The following PCDH15 variants were observed in gnomAD, a reference collection of about 807,000 sequenced individuals.
PCDH15 encodes protocadherin related 15, also known as protocadherin-15.
A neutral mutation model predicts 178.5 loss-of-function variants in PCDH15; 129 were observed. The observed-to-expected ratio is 0.72, with a 90% CI of 0.63 to 0.84. The LOEUF (loss-of-function observed/expected upper bound fraction) is 0.84. Ranked by LOEUF, PCDH15 falls within the 40% of genes least tolerant of loss-of-function variation. The pLI, the probability that PCDH15 is intolerant of heterozygous loss-of-function variation, is 0.00. For synonymous variants in PCDH15, 800 were observed against 732.0 expected, an observed-to-expected ratio of 1.09 and a Z score of -1.50; for missense variants, 2,230 against 2,099.9, an observed-to-expected ratio of 1.06 and a Z score of -1.21.
intron 3 of PCDH15, among the ~76,000 whole-genome samples, chr10:54,463,560 T>C (rs1193187824): frequency 6.6e-6 from 1 of 152,130 alleles, no homozygotes; most frequent in Admixed American, 6.6e-5. Flanking sequence ...CGTTTCACCA[T>C]CTTCCAGTGG....
chr10:54,779,059 T>A (rs1949998283), intron 1 of PCDH15, among the ~76,000 whole-genome samples: 2 of 152,034 alleles, frequency 1.3e-5, no homozygotes, highest in Non-Finnish European at 1.5e-5. Flanking sequence ...AGGAGAGAGA[T>A]TAGAGATAGA....
intron 2 of PCDH15, among the ~76,000 whole-genome samples, chr10:55,382,786 A>C (rs770584320): frequency 9.2e-5 from 14 of 152,158 alleles, no homozygotes; most frequent in Non-Finnish European, 1.8e-4. Context: ...CCTTCACGGG[A>C]CTTGAGACAG....
intron 1 of PCDH15, among the ~76,000 whole-genome samples, chr10:54,670,548 T>G (rs1358056966): frequency 6.6e-6 from 1 of 152,162 alleles, no homozygotes; most frequent in Admixed American, 6.5e-5. Flanking sequence ...AATCTGCTTA[T>G]GTTTAAAGAT....
chr10:54,677,075 T>G lies in PCDH15; in HGVS notation c.-28-12785A>C, dbSNP rs758631221. Among the ~76,000 whole-genome samples the G allele has an allele frequency of 3.2e-4, 49 of 152,274 alleles. 1 individual carries two copies. Among genetic ancestry groups the G allele is most frequent in the Non-Finnish European group, 3.1e-4 (21 of 68,012 alleles). ...CACACCAATCAACTCATCATGCATT[T>G]CAAAAGTATATTCCGGCACAACATG... On this transcript the variant is annotated intron_variant, in intron 1 of 37. Transcript: ENST00000644397.
intron 28 of PCDH15, among the ~76,000 whole-genome samples, chr10:53,842,706 TCTTC>T (rs1171628425): frequency 6.6e-6 from 1 of 152,212 alleles, no homozygotes; most frequent in African/African-American, 2.4e-5. Flanking sequence ...TTAATAAGCT[TCTTC>T]CTTGTCTCAA....
intron 8 of PCDH15, among the ~76,000 whole-genome samples, chr10:54,248,001 ATAGT>A (rs1187872507): frequency 8.0e-5 from 12 of 150,156 alleles, no homozygotes; most frequent in African/African-American, 2.7e-4. Context: ...GGAAATTATT[ATAGT>A]TAGTTTTTTA....
chr10:54,666,753 T>C (rs2094578590), intron 1 of PCDH15, among the ~76,000 whole-genome samples: 1 of 151,996 alleles, frequency 6.6e-6, no homozygotes. Context: ...GAGACGGTAA[T>C]ATCTTAGCAA....
chr10:55,542,627 G>A (rs1287223447), intron 2 of PCDH15, among the ~76,000 whole-genome samples: 2 of 140,254 alleles, frequency 1.4e-5, no homozygotes, highest in African/African-American at 5.2e-5. Context: ...GTCTATATAG[G>A]TACATACAGA....
At chr10:54,649,466 T>C (rs1006482455) in intron 2 of PCDH15, among the ~76,000 whole-genome samples, 1 of 152,154 alleles carries the variant, frequency 6.6e-6, no homozygotes, top group African/African-American at 2.4e-5. Context: ...TACAACCACA[T>C]AAAATATTGA....
intron 15 of PCDH15, among the ~76,000 whole-genome samples, chr10:54,122,672 A>G (rs979042626): frequency 6.6e-6 from 1 of 152,144 alleles, no homozygotes; most frequent in African/African-American, 2.4e-5. Flanking sequence ...TCAATAAGTT[A>G]TTAGAACTGA....
chr10:55,506,263 A>C (rs2132145733), intron 2 of PCDH15: 1 of 151,616 alleles, frequency 6.6e-6, no homozygotes, highest in South Asian at 2.1e-4. Flanking sequence ...GAGAAGACAT[A>C]GTTTAGAAGG....
At chr10:54,063,971 A>G (rs1340360177) in intron 18 of PCDH15, among the ~76,000 whole-genome samples, 1 of 152,130 alleles carries the variant, frequency 6.6e-6, no homozygotes, top group Non-Finnish European at 1.5e-5. Context: ...CAGCTAAACA[A>G]GGTTTTAGCC....
chr10:55,032,140 C>A (rs1840627085), intron 2 of PCDH15, among the ~76,000 whole-genome samples: 1 of 152,076 alleles, frequency 6.6e-6, no homozygotes, highest in Admixed American at 6.5e-5. Context: ...CCTAAGTGGT[C>A]ATGACTAGAA....
At chr10:55,121,387 T>C (rs1269138885) in intron 2 of PCDH15, among the ~76,000 whole-genome samples, 1 of 151,218 alleles carries the variant, frequency 6.6e-6, no homozygotes, top group Non-Finnish European at 1.5e-5. Flanking sequence ...TTAGGATGAC[T>C]TTTGCCTTGA....
chr10:54,665,576 G>A (rs1236705163), intron 1 of PCDH15, among the ~76,000 whole-genome samples: 1 of 151,952 alleles, frequency 6.6e-6, no homozygotes, highest in Non-Finnish European at 1.5e-5. Flanking sequence ...CCAGCAGCAT[G>A]TATAAATATA....
intron 3 of PCDH15, among the ~76,000 whole-genome samples, chr10:54,893,628 C>T (rs1954500856): frequency 6.6e-6 from 1 of 151,934 alleles, no homozygotes; most frequent in Non-Finnish European, 1.5e-5. Flanking sequence ...AAATTTTAAT[C>T]TGAGATTAAA....
intron 3 of PCDH15, among the ~76,000 whole-genome samples, chr10:54,503,491 G>A (rs146778296): frequency 0.018 from 2,660 of 148,932 alleles, 34 homozygotes; most frequent in Non-Finnish European, 0.028. Flanking sequence ...CCAGAAATAG[G>A]AACAAAAACA....
chr10:54,375,713 C>T lies in PCDH15; in HGVS notation c.318+3069G>A, dbSNP rs551672815. ...TAGTGATTATAATACAAAGCTTTCG[C>T]CATTGTTAGTAGGATCAAACTCAAA... On this transcript the variant is annotated intron_variant, in intron 4 of 37. Transcript: ENST00000644397. Among the ~76,000 whole-genome samples, 193 of 149,344 alleles carry T rather than the reference C, an allele frequency of 1.3e-3. 2 individuals are homozygous for T. Among genetic ancestry groups the T allele is most frequent in the African/African-American group, 4.6e-3 (187 of 40,804 alleles).
chr10:53,815,899 G>A (rs775383680), intron 35 of PCDH15, among the ~76,000 whole-genome samples: 112 of 152,120 alleles, frequency 7.4e-4, no homozygotes, highest in Non-Finnish European at 1.4e-3. Flanking sequence ...TAAATCTGAT[G>A]TCAGGAATGG....
Sources: gnomAD v4.1 joint callset for allele counts (sites outside exome capture counted in the v4.1 genomes callset) on GRCh38, gnomAD v4.1.1 for gene constraint, MANE v1.5 for transcripts, NCBI Gene and HGNC (gene_info 2026-07-23, HGNC 2026-07-21) for gene names.